Variants in NRG1 observed in about 807,000 individuals in gnomAD.
NRG1 encodes the protein pro-neuregulin-1, membrane-bound isoform.
NRG1 carries 18 observed loss-of-function variants against 63.8 expected under a neutral mutation model. The ratio of observed to expected loss-of-function variants is 0.28; its 90% confidence interval spans 0.19 to 0.42. NRG1 has a LOEUF of 0.42. Ranked by LOEUF, NRG1 falls within the 10% of genes least tolerant of loss-of-function variation. The pLI is 1.00. For synonymous variants in NRG1, 302 were observed against 301.3 expected (o/e 1.00, Z -0.02); for missense variants, 762 against 814.7 (o/e 0.94, Z 0.79).
chr8:32,027,608 C>G (rs1357460298), intron 1 of NRG1, among the ~76,000 whole-genome samples: 1 of 151,962 alleles, frequency 6.6e-6, no homozygotes, highest in Non-Finnish European at 1.5e-5. Context: ...TCTCTTCTCA[C>G]CATACTGTTT....
intron 1 of NRG1, among the ~76,000 whole-genome samples, chr8:31,990,100 A>G (rs780781192): frequency 3.3e-5 from 5 of 152,064 alleles, no homozygotes; most frequent in African/African-American, 7.2e-5. Flanking sequence ...TACACAGCTC[A>G]TTTATTTTCA....
At chr8:32,205,038 G>A (rs535441587) in intron 1 of NRG1, among the ~76,000 whole-genome samples, 1 of 152,088 alleles carries the variant, frequency 6.6e-6, no homozygotes, top group Non-Finnish European at 1.5e-5. Context: ...TGCAACCTTC[G>A]AACACCATTT....
chr8:31,656,733 C>T (rs1031632141), intron 1 of NRG1, among the ~76,000 whole-genome samples: 6 of 152,156 alleles, frequency 3.9e-5, no homozygotes, highest in Non-Finnish European at 8.8e-5. Flanking sequence ...GAATTCTTTC[C>T]TATGTACCAC....
chr8:31,785,735 A>T (rs1820110119), intron 1 of NRG1, among the ~76,000 whole-genome samples: 1 of 152,160 alleles, frequency 6.6e-6, no homozygotes, highest in Non-Finnish European at 1.5e-5. Context: ...CTTTAATCTA[A>T]CTTAAACATG....
At chr8:32,065,720 C>A (rs4596611) in intron 1 of NRG1, among the ~76,000 whole-genome samples, 82,717 of 151,954 alleles carry the variant, frequency 0.54, 26,524 homozygotes, top group Non-Finnish European at 0.71. Context: ...ATTGCTGGGT[C>A]AAATGGTATT....
Position 32,269,510 on chromosome 8 carries a change from C to T in NRG1, c.38-326318C>T, listed in dbSNP as rs370613557. ...TGTCATCTCACATTCTGTCTCACCA[C>T]AGTCTAGAGCTTCCAGGTCCATGGG... On this transcript the variant is annotated intron_variant, in intron 1 of 10. Transcript: ENST00000519301. Among the ~76,000 whole-genome samples, 123 of 152,256 alleles carry T rather than the reference C, an allele frequency of 8.1e-4. 5 individuals carry two copies. Among genetic ancestry groups the T allele is most frequent in the African/African-American group, 2.9e-3 (121 of 41,558 alleles).
At chr8:31,873,228 A>AT (rs1829638613) in intron 1 of NRG1, among the ~76,000 whole-genome samples, 3 of 152,140 alleles carry the variant, frequency 2.0e-5, no homozygotes, top group Admixed American at 2.0e-4. Context: ...GGGATTTAAA[A>AT]TTTTTTATTT....
intron 1 of NRG1, among the ~76,000 whole-genome samples, chr8:31,868,372 T>C (rs1829178240): frequency 6.6e-6 from 1 of 152,194 alleles, no homozygotes; most frequent in Admixed American, 6.5e-5. Flanking sequence ...CTGGTGTAAC[T>C]ACCTCAAATA....
At chr8:32,184,570 TA>T (rs1318661427) in intron 1 of NRG1, among the ~76,000 whole-genome samples, 1 of 152,100 alleles carries the variant, frequency 6.6e-6, no homozygotes, top group African/African-American at 2.4e-5. Context: ...AGATAGCTAC[TA>T]TTTTTTTTTA....
intron 1 of NRG1, among the ~76,000 whole-genome samples, chr8:31,687,307 T>C (rs1809002098): frequency 2.0e-5 from 3 of 152,178 alleles, no homozygotes; most frequent in Admixed American, 2.0e-4. Context: ...ACTTTAACTT[T>C]CCTTGCCACA....
chr8:31,892,170 C>T (rs112731350), intron 1 of NRG1, among the ~76,000 whole-genome samples: 197 of 152,200 alleles, frequency 1.3e-3, no homozygotes, highest in African/African-American at 4.5e-3. Context: ...TTACAACTGC[C>T]TATGAATTTA....
Position 31,813,516 on chromosome 8 carries a change from C to CTTTTCTTTTCTTTTCTTTTCTT in NRG1, c.37+174089_37+174090insCTTTTCTTTTCTTTTCTTTTTT. ...ATTTTCTTTTCTTTTCTTTTCTTTT[C>CTTTTCTTTTCTTTTCTTTTCTT]TTTTTTTTTTTTTTTTTGTTTTTTG... On this transcript the variant is annotated intron_variant, in intron 1 of 10. Transcript: ENST00000519301. Among the ~76,000 whole-genome samples the CTTTTCTTTTCTTTTCTTTTCTT allele has an allele frequency of 7.8e-4, 79 of 101,224 alleles. 1 individual carries two copies. The highest frequency in any genetic ancestry group is 8.6e-4 in the Non-Finnish European group (44 of 51,032). The allele number at this position is 101,224 out of a possible 152,430, so 66.4% of individuals were successfully genotyped here.
intron 1 of NRG1, among the ~76,000 whole-genome samples, chr8:31,943,817 A>G (rs1802125359): frequency 1.3e-5 from 2 of 152,182 alleles, no homozygotes; most frequent in African/African-American, 4.8e-5. Context: ...AAAGACATCC[A>G]CAGGGAAGCT....
At chr8:32,643,180 A>G (rs923195331) in intron 5 of NRG1, among the ~76,000 whole-genome samples, 4 of 152,146 alleles carry the variant, frequency 2.6e-5, no homozygotes, top group Non-Finnish European at 5.9e-5. Flanking sequence ...GCATACTAGC[A>G]TTTACTTCCT....
chr8:31,795,258 C>T (rs981258516), intron 1 of NRG1, among the ~76,000 whole-genome samples: 11 of 152,222 alleles, frequency 7.2e-5, no homozygotes, highest in East Asian at 3.9e-4. Flanking sequence ...AAGTGACAGG[C>T]GTGTCCCCTA....
chr8:32,289,032 C>G (rs1365111661), intron 1 of NRG1, among the ~76,000 whole-genome samples: 1 of 152,052 alleles, frequency 6.6e-6, no homozygotes, highest in Non-Finnish European at 1.5e-5. Context: ...TTTGGAAACT[C>G]CTGGATTTCT....
chr8:32,238,931 C>A (rs1404663458), intron 1 of NRG1, among the ~76,000 whole-genome samples: 1 of 152,202 alleles, frequency 6.6e-6, no homozygotes, highest in African/African-American at 2.4e-5. Context: ...CAGAGACATA[C>A]TTTTCACGCA....
chr8:31,805,471 T>A (rs1308409937), intron 1 of NRG1, among the ~76,000 whole-genome samples: 1 of 152,076 alleles, frequency 6.6e-6, no homozygotes, highest in Non-Finnish European at 1.5e-5. Flanking sequence ...GTTGTAACAG[T>A]TTTACCTTGA....
chr8:31,692,069 GC>G (rs908126276), intron 1 of NRG1, among the ~76,000 whole-genome samples: 2 of 152,322 alleles, frequency 1.3e-5, no homozygotes, highest in Non-Finnish European at 2.9e-5. Flanking sequence ...CTGGGCTCAA[GC>G]AATCCCCCTG....
Sources: allele counts gnomAD v4.1 joint callset (sites outside exome capture counted in the v4.1 genomes callset), GRCh38; gene constraint gnomAD v4.1.1; transcripts MANE v1.5; gene names NCBI Gene and HGNC (gene_info 2026-07-23, HGNC 2026-07-21).